USH2A: variants seen among roughly 807,000 people sequenced by gnomAD.
USH2A encodes usherin, also known as Usher syndrome 2A (autosomal recessive, mild).
USH2A carries 443 observed loss-of-function variants against 538.9 expected under a neutral mutation model. That is an observed-to-expected ratio of 0.82 (90% CI 0.76 to 0.89). USH2A has a LOEUF of 0.89. Among genes scored for constraint, USH2A ranks in the 40% least tolerant of loss-of-function variants. USH2A has a pLI of 0.00. For synonymous variants in USH2A, 2,413 were observed against 2,273.5 expected (o/e 1.06, Z -1.75); for missense variants, 6,633 against 6,324.8 (o/e 1.05, Z -1.65).
At chr1:215,970,294 G>A (rs993475668) in intron 36 of USH2A, among the ~76,000 whole-genome samples, 10 of 152,196 alleles carry the variant, frequency 6.6e-5, no homozygotes, top group South Asian at 2.1e-4. Context: ...TTACTTAGAT[G>A]TTGAGCCCAT....
chr1:216,033,963 A>T (rs142421628), intron 32 of USH2A, among the ~76,000 whole-genome samples: 175 of 152,350 alleles, frequency 1.1e-3, no homozygotes, highest in African/African-American at 4.0e-3. Flanking sequence ...TAAAAAACTC[A>T]GAAAAAAGAG....
chr1:215,630,527 T>TATATGAGA (rs1553248492), intron 70 of USH2A, among the ~76,000 whole-genome samples: 2 of 121,768 alleles, frequency 1.6e-5, no homozygotes, highest in African/African-American at 7.2e-5. Flanking sequence ...TATATATATA[T>TATATGAGA]GAGAGAGAGA....
chr1:215,805,069 G>A lies in USH2A; in HGVS notation c.9740-5944C>T, dbSNP rs147930976. Among the ~76,000 whole-genome samples, 809 of 152,072 alleles carry A rather than the reference G, an allele frequency of 5.3e-3. 6 individuals carry two copies. Among genetic ancestry groups the A allele is most frequent in the African/African-American group, 0.018 (748 of 41,480 alleles). The stretch of plus-strand genomic sequence containing the variant: ...AAACACCGTATGTTGTCACTCATAG[G>A]TGGGAATTGAACAATGAGAACACAT... On this transcript the variant is annotated intron_variant, in intron 49 of 71. Coordinates refer to ENST00000307340, the MANE Select transcript of USH2A (RefSeq NM_206933.4).
chr1:215,791,905 TA>T (rs1661994640), intron 50 of USH2A, among the ~76,000 whole-genome samples: 2 of 152,152 alleles, frequency 1.3e-5, no homozygotes, highest in Admixed American at 1.3e-4. Context: ...CACACACACA[TA>T]AACTAAAAAG....
chr1:216,142,901 C>A (rs529394199), intron 21 of USH2A, among the ~76,000 whole-genome samples: 12 of 152,148 alleles, frequency 7.9e-5, no homozygotes, highest in African/African-American at 2.9e-4. Context: ...TGTTTTAAAC[C>A]CATTACTTCT....
chr1:215,855,902 C>A (rs1289223560), intron 44 of USH2A, among the ~76,000 whole-genome samples: 2 of 152,252 alleles, frequency 1.3e-5, no homozygotes, highest in African/African-American at 4.8e-5. Flanking sequence ...GCCAACTGAT[C>A]TTTGACAAAA....
rs150532013 is a variant in USH2A at position 215,674,568 on chromosome 1, T to C, written c.13343A>G (p.Asp4448Gly). 127 of 1,613,898 alleles carry C rather than the reference T, an allele frequency of 7.9e-5. No homozygotes were observed. In the African/African-American group the frequency reaches 1.6e-3, roughly 20 times the overall value. ...WTMEALPENM[D>G]SPTLQVTGSE... The stretch of plus-strand genomic sequence containing the variant: ...GCCTGTGACTTGCAATGTTGGAGAG[T>C]CCATGTTCTCTGGCAGGGCCTCCAT... The change falls in exon 63 of 72, where the codon GAC (aspartate) becomes GGC (glycine). Residue 4448 changes from aspartate (D) to glycine (G), a missense_variant. Asp to Gly is a moderately conservative substitution (Grantham distance 94). Coordinates refer to ENST00000307340, the MANE Select transcript of USH2A (RefSeq NM_206933.4).
chr1:216,135,134 ACT>A (rs10560983), intron 21 of USH2A, among the ~76,000 whole-genome samples: 9,169 of 120,762 alleles, frequency 0.076, 361 homozygotes, highest in African/African-American at 0.096. Flanking sequence ...GGAGCCTGAA[ACT>A]CTCTCTCTCT....
intron 35 of USH2A, among the ~76,000 whole-genome samples, chr1:215,976,880 G>T (rs1457774821): frequency 6.6e-6 from 1 of 152,114 alleles, no homozygotes; most frequent in African/African-American, 2.4e-5. Context: ...AAAGTGTTAA[G>T]AAGGAGTCCT....
chr1:215,957,675 A>G (rs1241233620), intron 37 of USH2A, among the ~76,000 whole-genome samples: 1 of 152,134 alleles, frequency 6.6e-6, no homozygotes, highest in Non-Finnish European at 1.5e-5. Flanking sequence ...GGTGGACGTT[A>G]TGTTCCCTTT....
intron 19 of USH2A, among the ~76,000 whole-genome samples, chr1:216,191,313 G>C: frequency 6.6e-6 from 1 of 152,020 alleles, no homozygotes; most frequent in Middle Eastern, 3.5e-3. Flanking sequence ...GTAACATTTG[G>C]AGTAGTTTTC....
chr1:216,131,076 T>C (rs894971968), intron 21 of USH2A, among the ~76,000 whole-genome samples: 14 of 152,130 alleles, frequency 9.2e-5, no homozygotes, highest in Admixed American at 9.2e-4. Context: ...TGAGCATGTT[T>C]TTAATATGTC....
chr1:216,060,680 A>T (rs925018763), intron 30 of USH2A, among the ~76,000 whole-genome samples: 1 of 152,218 alleles, frequency 6.6e-6, no homozygotes, highest in Non-Finnish European at 1.5e-5. Context: ...AATATTTTGT[A>T]TACACCAATT....
At position 215,996,560 on chromosome 1, in the gene USH2A, GTTTTTTTTTTTTTTTTT is replaced by G. The variant is rs753233925; in HGVS notation, c.6657+2310_6657+2326del. ...TTTGTTGAGAGTAGCAACATATTAT[GTTTTTTTTTTTTTTTTT>G]TTTTTTTTTTTTTTTTTTGCAGTGG... On this transcript the variant is annotated intron_variant, in intron 34 of 71. Transcript: ENST00000307340. Among the ~76,000 whole-genome samples, 196 of 51,726 alleles carry G rather than the reference GTTTTTTTTTTTTTTTTT, an allele frequency of 3.8e-3. 3 individuals are homozygous for G. Among genetic ancestry groups the G allele is most frequent in the Admixed American group, 7.7e-3 (24 of 3,120 alleles). The allele number at this position is 51,726 out of a possible 152,430, so 33.9% of individuals were successfully genotyped here. A position where few individuals can be genotyped will look rare whatever the true frequency, so the allele number is the denominator to read the frequency against.
At position 216,305,130 on chromosome 1, in the gene USH2A, A is replaced by G. The variant is rs567694602; in HGVS notation, c.1645-12760T>C. ...CAGTGGAGTACTGAAGTCCCCCACC[A>G]TTATTGTGTTGCTGTTTATCTCATT... On this transcript the variant is annotated intron_variant, in intron 9 of 71. Transcript: ENST00000307340. 9.2e-5 allele frequency among the ~76,000 whole-genome samples: 14 copies of G among 152,190 alleles called. No individual in the cohort carries two copies. In the South Asian group the frequency reaches 2.9e-3, roughly 32 times the overall value.
intron 21 of USH2A, among the ~76,000 whole-genome samples, chr1:216,142,299 A>G (rs2033618281): frequency 6.6e-6 from 1 of 152,242 alleles, no homozygotes; most frequent in Non-Finnish European, 1.5e-5. Flanking sequence ...TTGTCAAAAT[A>G]TAATACCAAA....
chr1:215,718,651 T>TA (rs1441507896), intron 61 of USH2A, among the ~76,000 whole-genome samples: 1 of 152,090 alleles, frequency 6.6e-6, no homozygotes, highest in African/African-American at 2.4e-5. Context: ...CTGTGAACCA[T>TA]AAAAAAATTG....
chr1:215,659,353 T>C (rs1276783886), intron 64 of USH2A, among the ~76,000 whole-genome samples: 1 of 152,036 alleles, frequency 6.6e-6, no homozygotes, highest in Middle Eastern at 3.2e-3. Context: ...TGGCTGACCT[T>C]AGTGAGTAAG....
At chr1:215,964,067 T>A (rs951040363) in intron 37 of USH2A, among the ~76,000 whole-genome samples, 1 of 152,158 alleles carries the variant, frequency 6.6e-6, no homozygotes, top group African/African-American at 2.4e-5. Context: ...AGAGACGGGA[T>A]GACAACTGAA....
Sources: gnomAD v4.1 joint callset for allele counts (sites outside exome capture counted in the v4.1 genomes callset) on GRCh38, gnomAD v4.1.1 for gene constraint, MANE v1.5 for transcripts, NCBI Gene and HGNC (gene_info 2026-07-23, HGNC 2026-07-21) for gene names.